PCDHGB5: variants seen among roughly 807,000 people sequenced by gnomAD.
PCDHGB5 encodes protocadherin gamma-B5.
In PCDHGB5, 48 loss-of-function variants were observed where a neutral mutation model predicts 62.9. That is an observed-to-expected ratio of 0.76 (90% CI 0.61 to 0.97). The LOEUF is 0.97. PCDHGB5 is among the 50% of genes least tolerant of loss of function. The pLI, the probability that PCDHGB5 is intolerant of heterozygous loss-of-function variation, is 0.00. For synonymous variants in PCDHGB5, 474 were observed against 511.2 expected (o/e 0.93, Z 0.98); for missense variants, 1,118 against 1,198.6 (o/e 0.93, Z 0.99).
rs2099687792 is a variant in PCDHGB5, at chr5:141,489,485, G to GT, written c.2398-5321dup. Reference sequence around the variant, plus strand: ...TATTTTTCCCTGAGCTTGATGAGTGGTGCCCTGGCAGTGAATCAAAAGATT... The same window carrying GT: ...TATTTTTCCCTGAGCTTGATGAGTGGTTGCCCTGGCAGTGAATCAAAAGATT... On this transcript the variant is annotated intron_variant, in intron 1 of 3. Coordinates refer to ENST00000617380, the MANE Select transcript of PCDHGB5 (RefSeq NM_018925.3). This position sits in a 1 kb window ranked among gnomAD's most constrained non-coding sequence, Gnocchi z 4.5. The GT allele has an allele frequency of 6.2e-7, 1 of 1,614,088 alleles. No individual in the cohort carries two copies. The highest frequency in any genetic ancestry group is 2.2e-5 in the East Asian group (1 of 44,868).
rs920444759 is a variant in PCDHGB5, at chr5:141,432,767, C to G, written c.2397+32243C>G. On this transcript the variant is annotated intron_variant, in intron 1 of 3. Transcript: ENST00000617380. The surrounding 1 kb of genome is among the most constrained non-coding windows in gnomAD (Gnocchi z 6.0). ...CGTGGCCGTGGCCGACAGCATCCCC[C>G]AAGTCCTGGCGGACCTCGGCAGCCT... 2 of 1,614,058 alleles carry G rather than the reference C, an allele frequency of 1.2e-6. No individual in the cohort carries two copies. Among genetic ancestry groups the G allele is most frequent in the Admixed American group, 1.7e-5 (1 of 60,012 alleles).
Position 141,477,691 on chromosome 5 carries a change from A to G in PCDHGB5, c.2398-17116A>G, listed in dbSNP as rs1315811441. 6.2e-7 allele frequency: 1 copy of G among 1,614,188 alleles called. No homozygotes were observed. Among genetic ancestry groups the G allele is most frequent in the South Asian group, 1.1e-5 (1 of 91,090 alleles). On this transcript the variant is annotated intron_variant, in intron 1 of 3. Coordinates refer to ENST00000617380, the MANE Select transcript of PCDHGB5 (RefSeq NM_018925.3). This position sits in a 1 kb window ranked among gnomAD's most constrained non-coding sequence, Gnocchi z 4.9. ...GCATAGTGTCATCCTTAGTGCCCCT[A>G]GACTATGAGGATCGGCGGGAATTTG...
rs369791160 is a variant in PCDHGB5 at position 141,431,269 on chromosome 5, C to G, written c.2397+30745C>G. On this transcript the variant is annotated intron_variant, in intron 1 of 3. Transcript: ENST00000617380. This position sits in a 1 kb window ranked among gnomAD's most constrained non-coding sequence, Gnocchi z 4.8. ...TCGGGAAGAACTCTCTGCAGAGCTA[C>G]GAGCTCAGCCCGAACACTCACTTCT... 1.4e-5 allele frequency: 22 copies of G among 1,614,034 alleles called. No individual in the cohort carries two copies. The highest frequency in any genetic ancestry group is 2.7e-5 in the African/African-American group (2 of 74,954).
chr5:141,400,076 T>C lies in PCDHGB5; in HGVS notation c.1949T>C (p.Leu650Pro). The C allele has an allele frequency of 1.2e-6, 2 of 1,613,932 alleles. No individual in the cohort carries two copies. Among genetic ancestry groups the C allele is most frequent in the Non-Finnish European group, 1.7e-6 (2 of 1,179,870 alleles). Residue 650 changes from leucine (L) to proline (P), a missense_variant, in exon 1 of 4, where the codon CTC (leucine) becomes CCC (proline). Transcript: ENST00000617380. ...GTGCGTGATGGTGGACAGCCGCCACTCTCCGCCACCGCCACGCTGCACTTG... is the reference window on the plus strand; with the variant it reads ...GTGCGTGATGGTGGACAGCCGCCACCCTCCGCCACCGCCACGCTGCACTTG... ...VAVRDGGQPP[L>P]SATATLHLVF...
intron 1 of PCDHGB5, among the ~76,000 whole-genome samples, chr5:141,465,276 C>A (rs558169180): frequency 6.6e-6 from 1 of 152,254 alleles, no homozygotes; most frequent in South Asian, 2.1e-4. Context: ...CCATTTAGTT[C>A]ACCCCTAAAG....
intron 1 of PCDHGB5, chr5:141,409,246 C>A (rs771759898): frequency 1.2e-6 from 2 of 1,614,032 alleles, no homozygotes; most frequent in Admixed American, 3.3e-5. Context: ...CAGAAATAAT[C>A]ATCACTTCTC....
chr5:141,412,839 G>A, intron 1 of PCDHGB5: 1 of 203,324 alleles, frequency 4.9e-6, no homozygotes, highest in Admixed American at 5.8e-5. Context: ...TTAAAGATAG[G>A]AGTGGAGAAA....
At chr5:141,457,878 C>A (rs1263626843) in intron 1 of PCDHGB5, among the ~76,000 whole-genome samples, 1 of 152,190 alleles carries the variant, frequency 6.6e-6, no homozygotes, top group East Asian at 1.9e-4. Context: ...GGTTAGGAAC[C>A]CTGTGTGGGG....
chr5:141,422,467 G>A (rs1380910490), intron 1 of PCDHGB5: 1 of 1,613,664 alleles, frequency 6.2e-7, no homozygotes, highest in Non-Finnish European at 8.5e-7. Context: ...GCTGGACAGG[G>A]AGTTGGTCCA....
intron 1 of PCDHGB5, among the ~76,000 whole-genome samples, chr5:141,457,190 G>A (rs2098913282): frequency 6.6e-6 from 1 of 152,200 alleles, no homozygotes; most frequent in African/African-American, 2.4e-5. Context: ...GTAGAGTGAG[G>A]AAAGCAGTTC....
chr5:141,478,692 A>C (rs1459911657), intron 1 of PCDHGB5: 2 of 1,550,666 alleles, frequency 1.3e-6, no homozygotes, highest in African/African-American at 2.7e-5. Context: ...CCTAGATCAA[A>C]GTTAGTGCCT....
intron 1 of PCDHGB5, among the ~76,000 whole-genome samples, chr5:141,470,528 G>A (rs1446688992): frequency 6.6e-6 from 1 of 152,140 alleles, no homozygotes; most frequent in East Asian, 1.9e-4. Context: ...ATTAAAATAT[G>A]TATCAGGTAA....
Position 141,486,817 on chromosome 5 carries a change from T to A in PCDHGB5, c.2398-7990T>A, listed in dbSNP as rs143638501. On this transcript the variant is annotated intron_variant, in intron 1 of 3. Transcript: ENST00000617380. The surrounding 1 kb of genome is among the most constrained non-coding windows in gnomAD (Gnocchi z 5.0). ...GGGGCAACCCACCCCTTAGCAGCAC[T>A]GTAACAGTTCGTCTATTTGTGCTGG... 1 of 1,614,102 alleles carries A rather than the reference T, an allele frequency of 6.2e-7. No homozygotes were observed. Among genetic ancestry groups the A allele is most frequent in the East Asian group, 2.2e-5 (1 of 44,898 alleles).
chr5:141,426,717 G>A (rs974405285), intron 1 of PCDHGB5: 1 of 446,052 alleles, frequency 2.2e-6, no homozygotes, highest in African/African-American at 2.0e-5. Flanking sequence ...CAATGAACTA[G>A]CAATTCCAGG....
Position 141,510,363 on chromosome 5 carries a change from G to A in PCDHGB5, c.2546-584G>A, listed in dbSNP as rs973832487. Among the ~76,000 whole-genome samples the A allele has an allele frequency of 7.8e-5, 11 of 141,564 alleles. No individual in the cohort carries two copies. In the East Asian group the frequency reaches 1.6e-3, roughly 21 times the overall value. 92.9% of individuals were successfully genotyped at this position (141,564 alleles called of 152,430 possible). The stretch of plus-strand genomic sequence containing the variant: ...CCACACACTTACTAACGGAACTACC[G>A]AATCTCTACTCGTGCCAGGCCTTGC... On this transcript the variant is annotated intron_variant, in intron 3 of 3. Coordinates refer to ENST00000617380, the MANE Select transcript of PCDHGB5 (RefSeq NM_018925.3).
intron 1 of PCDHGB5, among the ~76,000 whole-genome samples, chr5:141,482,899 T>C (rs1238389686): frequency 1.3e-5 from 2 of 152,076 alleles, no homozygotes; most frequent in Non-Finnish European, 2.9e-5. Context: ...TGGTGAAACC[T>C]CATCTCTATT....
chr5:141,404,725 G>T, intron 1 of PCDHGB5: 1 of 1,614,098 alleles, frequency 6.2e-7, no homozygotes. Flanking sequence ...TGACCAAGGT[G>T]GTGGCAGTGG....
At position 141,403,108 on chromosome 5, in the gene PCDHGB5, G is replaced by A. The variant is rs189164879; in HGVS notation, c.2397+2584G>A. The A allele has an allele frequency of 2.7e-5, 43 of 1,614,086 alleles. No homozygotes were observed. In the African/African-American group the frequency reaches 5.1e-4, roughly 19 times the overall value. ...TTGTGGGCAACATCTCCAAGGACCT[G>A]GCTCTGGAGCCCCGGGAGCTGGCGG... On this transcript the variant is annotated intron_variant, in intron 1 of 3. Coordinates refer to ENST00000617380, the MANE Select transcript of PCDHGB5 (RefSeq NM_018925.3).
In PCDHGB5 at chr5:141,485,109, C is replaced by A; in HGVS notation, c.2398-9698C>A. ...AGATAGGTGTCTCCAGCTGCTGTGG[C>A]TGTTTGGGGCGGGTCGGCTTCATCC... On this transcript the variant is annotated intron_variant, in intron 1 of 3. Transcript: ENST00000617380. This position sits in a 1 kb window ranked among gnomAD's most constrained non-coding sequence, Gnocchi z 5.7. The A allele has an allele frequency of 1.6e-6, 2 of 1,230,962 alleles. No individual in the cohort carries two copies. The highest frequency in any genetic ancestry group is 2.4e-6 in the Non-Finnish European group (2 of 850,024). The allele number at this position is 1,230,962 out of a possible 1,614,324, so 76.3% of individuals were successfully genotyped here.
Sources: allele counts gnomAD v4.1 joint callset (sites outside exome capture counted in the v4.1 genomes callset), GRCh38; gene constraint gnomAD v4.1.1; non-coding constraint Gnocchi (gnomAD v3.1); transcripts MANE v1.5; gene names NCBI Gene and HGNC (gene_info 2026-07-23, HGNC 2026-07-21).